SOX2: variants seen among roughly 807,000 people sequenced by gnomAD.
SOX2 encodes the protein SRY-box transcription factor 2, also known as transcription factor SOX-2.
SOX2 carries 2 observed loss-of-function variants against 19.7 expected under a neutral mutation model. That is an observed-to-expected ratio of 0.10 (90% CI 0.04 to 0.32). The LOEUF is 0.32. SOX2 is among the 10% of genes least tolerant of loss of function. SOX2 has a pLI of 1.00. For synonymous variants in SOX2, 211 were observed against 196.8 expected, an observed-to-expected ratio of 1.07 and a Z score of -0.60; for missense variants, 294 against 459.9, an observed-to-expected ratio of 0.64 and a Z score of 3.30.
In SOX2 at chr3:181,713,235, T is replaced by C; in HGVS notation, c.875T>C (p.Leu292Pro). ...CCGGAACCCGCCGCCCCCAGCAGAC[T>C]TCACATGTCCCAGCACTACCAGAGC... is the stretch of plus-strand genomic sequence containing the variant. ...EVPEPAAPSR[L>P]HMSQHYQSGP... Residue 292 changes from leucine to proline, a missense_variant, in exon 1 of 1, where the codon CTT becomes CCT. Around this residue, in one of 3 missense-constraint regions of SOX2, gnomAD observed 223 missense variants for 292.7 expected, o/e 0.76. Coordinates refer to ENST00000325404, the MANE Select transcript of SOX2 (RefSeq NM_003106.4). 1 of 1,612,034 alleles carries C rather than the reference T, an allele frequency of 6.2e-7. No homozygotes were observed. Among genetic ancestry groups the C allele is most frequent in the East Asian group, 2.2e-5 (1 of 44,802 alleles).
At position 181,713,945 on chromosome 3, in the gene SOX2, A is replaced by C. The variant is rs1470706374; in HGVS notation, c.*631A>C. ...AACGTGAAAAGAAGAAAATTATTCAAATTTGGACATTTTAATTGTTTAAAA... is the reference window on the plus strand; with the variant it reads ...AACGTGAAAAGAAGAAAATTATTCACATTTGGACATTTTAATTGTTTAAAA... On this transcript the variant is annotated 3_prime_UTR_variant, in exon 1 of 1. Coordinates refer to ENST00000325404, the MANE Select transcript of SOX2 (RefSeq NM_003106.4). 4.0e-6 allele frequency: 1 copy of C among 247,380 alleles called. No homozygotes were observed. Among genetic ancestry groups the C allele is most frequent in the Admixed American group, 5.6e-5 (1 of 17,910 alleles). 15.3% of individuals were successfully genotyped at this position (247,380 alleles called of 1,614,324 possible).
rs1270908140 is a variant in SOX2 at position 181,712,417 on chromosome 3, G to A, written c.57G>A (p.Gly19=). Residue 19 remains glycine, a synonymous_variant, in exon 1 of 1, where the codon GGG becomes GGA. Coordinates refer to ENST00000325404, the MANE Select transcript of SOX2 (RefSeq NM_003106.4). The surrounding 1 kb of genome is among the most constrained non-coding windows in gnomAD (Gnocchi z 8.5). ...CGCCGGGCCCGCAGCAAACTTCGGG[G>A]GGCGGCGGCGGCAACTCCACCGCGG... ...LKPPGPQQTS[G]GGGGNSTAAA... is the part of the protein sequence containing the mutation. 1 of 1,594,756 alleles carries A rather than the reference G, an allele frequency of 6.3e-7. No individual in the cohort carries two copies. Among genetic ancestry groups the A allele is most frequent in the Non-Finnish European group, 8.5e-7 (1 of 1,170,902 alleles).
rs1174349112 is a variant in SOX2, at chr3:181,714,170, A to G, written c.*856A>G. 4.1e-6 allele frequency: 1 copy of G among 242,566 alleles called. No homozygotes were observed. The highest frequency in any genetic ancestry group is 8.7e-6 in the Non-Finnish European group (1 of 114,852). The allele number at this position is 242,566 out of a possible 1,614,324, so 15.0% of individuals were successfully genotyped here. ...TTTCCATTTTGTTCAGATAAAAAAAACCATGAAATTACTGTGTTTGAAATA... is the reference window on the plus strand; with the variant it reads ...TTTCCATTTTGTTCAGATAAAAAAAGCCATGAAATTACTGTGTTTGAAATA... On this transcript the variant is annotated 3_prime_UTR_variant, in exon 1 of 1. Transcript: ENST00000325404.
chr3:181,712,262 C>T lies in SOX2; in HGVS notation c.-99C>T. 2.0e-6 allele frequency: 2 copies of T among 979,282 alleles called. No individual in the cohort carries two copies. The highest frequency in any genetic ancestry group is 2.7e-6 in the Non-Finnish European group (2 of 752,360). 60.7% of individuals were successfully genotyped at this position (979,282 alleles called of 1,614,324 possible). A position where few individuals can be genotyped will look rare whatever the true frequency, so the allele number is the denominator to read the frequency against. On this transcript the variant is annotated 5_prime_UTR_variant, in exon 1 of 1. Transcript: ENST00000325404. The surrounding 1 kb of genome is among the most constrained non-coding windows in gnomAD (Gnocchi z 8.5). Reference sequence around the variant, plus strand: ...CTGCGCTCCCGACACCCCCGCCCGCCTCCCCTCCTCCTCTCCCCCCGCCCG... The same window carrying T: ...CTGCGCTCCCGACACCCCCGCCCGCTTCCCCTCCTCCTCTCCCCCCGCCCG...
In SOX2 at chr3:181,712,048, G is replaced by C. The variant is rs1426496894; in HGVS notation, c.-313G>C. The C allele has an allele frequency of 3.1e-6, 1 of 322,776 alleles. No individual in the cohort carries two copies. The highest frequency in any genetic ancestry group is 5.6e-6 in the Non-Finnish European group (1 of 178,744). The allele number at this position is 322,776 out of a possible 1,614,324, so 20.0% of individuals were successfully genotyped here. A position where few individuals can be genotyped will look rare whatever the true frequency, so the allele number is the denominator to read the frequency against. On this transcript the variant is annotated 5_prime_UTR_variant, in exon 1 of 1. Coordinates refer to ENST00000325404, the MANE Select transcript of SOX2 (RefSeq NM_003106.4). This position sits in a 1 kb window ranked among gnomAD's most constrained non-coding sequence, Gnocchi z 8.5. ...AGACTAGGACTGAGAGAAAGAAGAG[G>C]AGAGAGAAAGAAAGGGAGAGAAGTT...
At position 181,712,155 on chromosome 3, in the gene SOX2, C is replaced by A. The variant is rs1373050205; in HGVS notation, c.-206C>A. 5 of 402,308 alleles carry A rather than the reference C, an allele frequency of 1.2e-5. No individual in the cohort carries two copies. The highest frequency in any genetic ancestry group is 3.7e-5 in the East Asian group (1 of 27,056). The allele number at this position is 402,308 out of a possible 1,614,324, so 24.9% of individuals were successfully genotyped here. The stretch of plus-strand genomic sequence containing the variant: ...AGGATCGGCCAGAGGAGGAGGGAAG[C>A]GCTTTTTTTGATCCTGATTCCAGTT... On this transcript the variant is annotated 5_prime_UTR_variant, in exon 1 of 1. Transcript: ENST00000325404. This position sits in a 1 kb window ranked among gnomAD's most constrained non-coding sequence, Gnocchi z 8.5.
chr3:181,712,237 C>T lies in SOX2; in HGVS notation c.-124C>T. Reference sequence around the variant, plus strand: ...TTCGCCTGATTTTCCTCGCGGAGCCCTGCGCTCCCGACACCCCCGCCCGCC... The same window carrying T: ...TTCGCCTGATTTTCCTCGCGGAGCCTTGCGCTCCCGACACCCCCGCCCGCC... On this transcript the variant is annotated 5_prime_UTR_variant, in exon 1 of 1. Transcript: ENST00000325404. The surrounding 1 kb of genome is among the most constrained non-coding windows in gnomAD (Gnocchi z 8.5). The T allele has an allele frequency of 1.5e-6, 1 of 682,042 alleles. No homozygotes were observed. Among genetic ancestry groups the T allele is most frequent in the Non-Finnish European group, 2.1e-6 (1 of 484,346 alleles). 42.2% of individuals were successfully genotyped at this position (682,042 alleles called of 1,614,324 possible). A position where few individuals can be genotyped will look rare whatever the true frequency, so the allele number is the denominator to read the frequency against.
rs2108522267 is a variant in SOX2 at position 181,712,715 on chromosome 3, C to G, written c.355C>G (p.Leu119Val). The change falls in exon 1 of 1, where the codon CTC becomes GTC. Residue 119 changes from leucine to valine, a missense_variant. Transcript: ENST00000325404. This position sits in a 1 kb window ranked among gnomAD's most constrained non-coding sequence, Gnocchi z 8.5. ...CCGGCCCCGGCGGAAAACCAAGACG[C>G]TCATGAAGAAGGATAAGTACACGCT... Reference protein sequence around the residue: ...KYRPRRKTKTLMKKDKYTLPG... With the variant: ...KYRPRRKTKTVMKKDKYTLPG... 2 of 1,613,578 alleles carry G rather than the reference C, an allele frequency of 1.2e-6. No individual in the cohort carries two copies. Among genetic ancestry groups the G allele is most frequent in the Non-Finnish European group, 1.7e-6 (2 of 1,179,748 alleles).
Position 181,714,184 on chromosome 3 carries a change from G to C in SOX2, c.*870G>C, listed in dbSNP as rs916480417. 2.9e-5 allele frequency: 7 copies of C among 241,628 alleles called. No homozygotes were observed. Among genetic ancestry groups the C allele is most frequent in the Middle Eastern group, 1.3e-3 (1 of 774 alleles). 15.0% of individuals were successfully genotyped at this position (241,628 alleles called of 1,614,324 possible). A position where few individuals can be genotyped will look rare whatever the true frequency, so the allele number is the denominator to read the frequency against. ...AGATAAAAAAAACCATGAAATTACTGTGTTTGAAATATTTTCTTATGGTTT... is the reference window on the plus strand; with the variant it reads ...AGATAAAAAAAACCATGAAATTACTCTGTTTGAAATATTTTCTTATGGTTT... On this transcript the variant is annotated 3_prime_UTR_variant, in exon 1 of 1. Coordinates refer to ENST00000325404, the MANE Select transcript of SOX2 (RefSeq NM_003106.4).
rs2108523513 is a variant in SOX2, at chr3:181,713,174, G to A, written c.814G>A (p.Asp272Asn). The A allele has an allele frequency of 2.5e-6, 4 of 1,613,414 alleles. No homozygotes were observed. The highest frequency in any genetic ancestry group is 3.4e-6 in the Non-Finnish European group (4 of 1,180,026). The part of the protein sequence containing the change: ...RAPCQAGDLR[D>N]MISMYLPGAE... ...GCCCTGCCAGGCCGGGGACCTCCGG[G>A]ACATGATCAGCATGTATCTCCCCGG... Residue 272 changes from aspartate (D) to asparagine (N), a missense_variant, in exon 1 of 1, where the codon GAC (aspartate) becomes AAC (asparagine). Physicochemically the swap from Asp to Asn is conservative, Grantham distance 23. Around this residue, in one of 3 missense-constraint regions of SOX2, gnomAD observed 223 missense variants for 292.7 expected, o/e 0.76. Coordinates refer to ENST00000325404, the MANE Select transcript of SOX2 (RefSeq NM_003106.4).
In SOX2 at chr3:181,712,381, G is replaced by A; in HGVS notation, c.21G>A (p.Thr7=). 1 of 1,558,584 alleles carries A rather than the reference G, an allele frequency of 6.4e-7. No individual in the cohort carries two copies. Among genetic ancestry groups the A allele is most frequent in the South Asian group, 1.2e-5 (1 of 85,730 alleles). MYNMME[T]ELKPPGPQQT... ...CCCGCATGTACAACATGATGGAGAC[G>A]GAGCTGAAGCCGCCGGGCCCGCAGC... The change falls in exon 1 of 1, where the codon ACG becomes ACA. Residue 7 remains threonine, a synonymous_variant. Coordinates refer to ENST00000325404, the MANE Select transcript of SOX2 (RefSeq NM_003106.4). This position sits in a 1 kb window ranked among gnomAD's most constrained non-coding sequence, Gnocchi z 8.5.
chr3:181,712,408 A>T lies in SOX2; in HGVS notation c.48A>T (p.Gln16His). Residue 16 changes from glutamine (Q) to histidine (H), a missense_variant, in exon 1 of 1, where the codon CAA becomes CAT. Gln to His is a conservative substitution (Grantham distance 24, BLOSUM62 0). Transcript: ENST00000325404. The surrounding 1 kb of genome is among the most constrained non-coding windows in gnomAD (Gnocchi z 8.5). ...AGCTGAAGCCGCCGGGCCCGCAGCA[A>T]ACTTCGGGGGGCGGCGGCGGCAACT... The part of the protein sequence containing the change: ...ETELKPPGPQ[Q>H]TSGGGGGNST... 6.3e-7 allele frequency: 1 copy of T among 1,591,494 alleles called. No homozygotes were observed. Among genetic ancestry groups the T allele is most frequent in the South Asian group, 1.1e-5 (1 of 89,402 alleles).
chr3:181,712,314 C>T lies in SOX2; in HGVS notation c.-47C>T. The stretch of plus-strand genomic sequence containing the variant: ...GGGCCCCCCAAAGTCCCGGCCGGGC[C>T]GAGGGTCGGCGGCCGCCGGCGGGCC... On this transcript the variant is annotated 5_prime_UTR_variant, in exon 1 of 1. Transcript: ENST00000325404. The surrounding 1 kb of genome is among the most constrained non-coding windows in gnomAD (Gnocchi z 8.5). 1 of 1,330,892 alleles carries T rather than the reference C, an allele frequency of 7.5e-7. No homozygotes were observed. Among genetic ancestry groups the T allele is most frequent in the Non-Finnish European group, 9.6e-7 (1 of 1,046,440 alleles). The allele number at this position is 1,330,892 out of a possible 1,614,324, so 82.4% of individuals were successfully genotyped here.
chr3:181,713,641 G>A lies in SOX2; in HGVS notation c.*327G>A. The A allele has an allele frequency of 2.2e-6, 1 of 457,320 alleles. No homozygotes were observed. The highest frequency in any genetic ancestry group is 2.0e-5 in the African/African-American group (1 of 50,896). 28.3% of individuals were successfully genotyped at this position (457,320 alleles called of 1,614,324 possible). A position where few individuals can be genotyped will look rare whatever the true frequency, so the allele number is the denominator to read the frequency against. On this transcript the variant is annotated 3_prime_UTR_variant, in exon 1 of 1. Coordinates refer to ENST00000325404, the MANE Select transcript of SOX2 (RefSeq NM_003106.4). ...GGGGAATGGACCTTGTATAGATCTG[G>A]AGGAAAGAAAGCTACGAAAAACTTT...
Position 181,713,381 on chromosome 3 carries a change from A to C in SOX2, c.*67A>C. On this transcript the variant is annotated 3_prime_UTR_variant, in exon 1 of 1. Coordinates refer to ENST00000325404, the MANE Select transcript of SOX2 (RefSeq NM_003106.4). ...AAAACGAGGGAAATGGGAGGGGTGC[A>C]AAAGAGGAGAGTAAGAAACAGCATG... The C allele has an allele frequency of 6.5e-7, 1 of 1,545,206 alleles. No individual in the cohort carries two copies. The highest frequency in any genetic ancestry group is 2.4e-5 in the East Asian group (1 of 40,870).
Position 181,712,292 on chromosome 3 carries a change from C to G in SOX2, c.-69C>G. The G allele has an allele frequency of 8.1e-7, 1 of 1,231,638 alleles. No individual in the cohort carries two copies. The highest frequency in any genetic ancestry group is 1.0e-6 in the Non-Finnish European group (1 of 977,438). 76.3% of individuals were successfully genotyped at this position (1,231,638 alleles called of 1,614,324 possible). A position where few individuals can be genotyped will look rare whatever the true frequency, so the allele number is the denominator to read the frequency against. The stretch of plus-strand genomic sequence containing the variant: ...CTCCTCCTCTCCCCCCGCCCGCGGG[C>G]CCCCCAAAGTCCCGGCCGGGCCGAG... On this transcript the variant is annotated 5_prime_UTR_variant, in exon 1 of 1. Transcript: ENST00000325404. The surrounding 1 kb of genome is among the most constrained non-coding windows in gnomAD (Gnocchi z 8.5).
chr3:181,713,438 G>GAA lies in SOX2; in HGVS notation c.*134_*135dup, dbSNP rs201617684. On this transcript the variant is annotated 3_prime_UTR_variant, in exon 1 of 1. Coordinates refer to ENST00000325404, the MANE Select transcript of SOX2 (RefSeq NM_003106.4). ...ACCCGGTACGCTCAAAAAGAAAAAG[G>GAA]AAAAAAAAAAATCCCATCACCCACA... is the stretch of plus-strand genomic sequence containing the variant. 381 of 1,070,504 alleles carry GAA rather than the reference G, an allele frequency of 3.6e-4. No homozygotes were observed. In the East Asian group the frequency reaches 4.2e-3, roughly 12 times the overall value. The allele number at this position is 1,070,504 out of a possible 1,614,324, so 66.3% of individuals were successfully genotyped here.
rs534811396 is a variant in SOX2, at chr3:181,714,089, T to C, written c.*775T>C. 1 of 244,874 alleles carries C rather than the reference T, an allele frequency of 4.1e-6. No individual in the cohort carries two copies. Among genetic ancestry groups the C allele is most frequent in the Admixed American group, 5.6e-5 (1 of 17,724 alleles). 15.2% of individuals were successfully genotyped at this position (244,874 alleles called of 1,614,324 possible). On this transcript the variant is annotated 3_prime_UTR_variant, in exon 1 of 1. Coordinates refer to ENST00000325404, the MANE Select transcript of SOX2 (RefSeq NM_003106.4). ...TATAACTTACTGTTAAAAGCAAAAA[T>C]GGCCATGCAGGTTGACACCGTTGGT...
In SOX2 at chr3:181,713,787, T is replaced by A. The variant is rs1162698401; in HGVS notation, c.*473T>A. On this transcript the variant is annotated 3_prime_UTR_variant, in exon 1 of 1. Coordinates refer to ENST00000325404, the MANE Select transcript of SOX2 (RefSeq NM_003106.4). ...TGTTTTAATATTTGCAAGCAACTTT[T>A]GTACAGTATTTATCGAGATAAACAT... is the stretch of plus-strand genomic sequence containing the variant. 1 of 283,550 alleles carries A rather than the reference T, an allele frequency of 3.5e-6. No homozygotes were observed. The highest frequency in any genetic ancestry group is 2.2e-5 in the African/African-American group (1 of 45,912). The allele number at this position is 283,550 out of a possible 1,614,324, so 17.6% of individuals were successfully genotyped here. A position where few individuals can be genotyped will look rare whatever the true frequency, so the allele number is the denominator to read the frequency against.
Sources: allele counts gnomAD v4.1 joint callset, GRCh38; gene constraint gnomAD v4.1.1; regional missense constraint gnomAD v4.1.1; non-coding constraint Gnocchi (gnomAD v3.1); transcripts MANE v1.5; gene names NCBI Gene and HGNC (gene_info 2026-07-23, HGNC 2026-07-21).